The following HPSE2 variants were observed in gnomAD, a reference collection of about 807,000 sequenced individuals.
HPSE2 encodes the protein inactive heparanase-2.
A neutral mutation model predicts 60.5 loss-of-function variants in HPSE2; 38 were observed. The observed-to-expected ratio is 0.63, with a 90% CI of 0.48 to 0.82. The LOEUF (loss-of-function observed/expected upper bound fraction) is 0.82. Among genes scored for constraint, HPSE2 ranks in the 40% least tolerant of loss-of-function variants. The pLI is 0.00. For synonymous variants in HPSE2, 295 were observed against 293.2 expected (o/e 1.01, Z -0.06); for missense variants, 713 against 740.4 (o/e 0.96, Z 0.43).
At chr10:98,545,707 G>C (rs1484818124) in intron 9 of HPSE2, among the ~76,000 whole-genome samples, 3 of 151,966 alleles carry the variant, frequency 2.0e-5, no homozygotes, top group Non-Finnish European at 4.4e-5. Flanking sequence ...TACTGAATGG[G>C]CAAAAACTGG....
chr10:99,200,024 T>C (rs1848522688), intron 2 of HPSE2, among the ~76,000 whole-genome samples: 1 of 152,154 alleles, frequency 6.6e-6, no homozygotes, highest in Admixed American at 6.5e-5. Flanking sequence ...CTAAATATTT[T>C]ACCCTCTTTG....
intron 9 of HPSE2, among the ~76,000 whole-genome samples, chr10:98,492,510 C>CAAAAAAAAAAAAAA (rs10645866): frequency 2.7e-5 from 3 of 112,076 alleles, no homozygotes; most frequent in African/African-American, 1.0e-4. Context: ...TCAAAAAAGA[C>CAAAAAAAAAAAAAA]AAAAAAAAAA....
chr10:98,462,959 CTT>C (rs56061368), intron 11 of HPSE2, among the ~76,000 whole-genome samples: 65,212 of 146,542 alleles, frequency 0.45, 14,072 homozygotes, highest in East Asian at 0.47. Flanking sequence ...CTTATCTCTG[CTT>C]TTTTTTTTTT....
intron 11 of HPSE2, among the ~76,000 whole-genome samples, chr10:98,480,964 T>C (rs1436908048): frequency 1.3e-5 from 2 of 152,174 alleles, no homozygotes; most frequent in Non-Finnish European, 2.9e-5. Flanking sequence ...AAACTGACGC[T>C]CACAGAGATG....
intron 3 of HPSE2, among the ~76,000 whole-genome samples, chr10:99,125,829 C>T (rs910765838): frequency 6.6e-6 from 1 of 152,176 alleles, no homozygotes; most frequent in Admixed American, 6.5e-5. Context: ...GTCTTTAGCT[C>T]GAGCCCAAGG....
intron 3 of HPSE2, among the ~76,000 whole-genome samples, chr10:98,958,930 T>G (rs975431753): frequency 6.6e-6 from 1 of 152,146 alleles, no homozygotes; most frequent in Non-Finnish European, 1.5e-5. Flanking sequence ...CAACCACTGC[T>G]AGCTATGTGA....
rs547645204 is a variant in HPSE2 at position 99,097,486 on chromosome 10, C to T, written c.610+46752G>A. On this transcript the variant is annotated intron_variant, in intron 3 of 11. Coordinates refer to ENST00000370552, the MANE Select transcript of HPSE2 (RefSeq NM_021828.5). Reference sequence around the variant, plus strand: ...CCAATTAGTTCTAAAGCTTTCTTTTCGCAGTAAACTCTAGCATTCTCTTTT... The same window carrying T: ...CCAATTAGTTCTAAAGCTTTCTTTTTGCAGTAAACTCTAGCATTCTCTTTT... 1.1e-4 allele frequency among the ~76,000 whole-genome samples: 17 copies of T among 152,190 alleles called. No homozygotes were observed. In the South Asian group the frequency reaches 2.3e-3, roughly 20 times the overall value.
chr10:98,974,428 C>T (rs541815387), intron 3 of HPSE2, among the ~76,000 whole-genome samples: 11 of 152,048 alleles, frequency 7.2e-5, no homozygotes, highest in Middle Eastern at 3.4e-3. Flanking sequence ...CCTTAATGCC[C>T]GGCTAATTTT....
the HPSE2 span, among the ~76,000 whole-genome samples, chr10:99,284,285 T>C: frequency 1.3e-5 from 2 of 152,046 alleles, no homozygotes; most frequent in Non-Finnish European, 2.9e-5. Flanking sequence ...AAAAAACATA[T>C]AATGACCTCA....
At chr10:98,806,443 A>G (rs1302362848) in intron 3 of HPSE2, among the ~76,000 whole-genome samples, 1 of 152,192 alleles carries the variant, frequency 6.6e-6, no homozygotes, top group African/African-American at 2.4e-5. Flanking sequence ...CGTGGAATAG[A>G]GCACTGGACT....
intron 3 of HPSE2, among the ~76,000 whole-genome samples, chr10:98,820,330 T>G (rs1274194943): frequency 6.6e-6 from 1 of 152,144 alleles, no homozygotes; most frequent in African/African-American, 2.4e-5. Context: ...GACTATAATT[T>G]ACCCAGGACC....
chr10:98,866,743 G>GA (rs151324657), intron 3 of HPSE2, among the ~76,000 whole-genome samples: 5,511 of 151,832 alleles, frequency 0.036, 121 homozygotes, highest in African/African-American at 0.058. Context: ...ACAACAACAA[G>GA]AAAAAACCTG....
At chr10:98,753,774 A>G (rs1201843959) in intron 3 of HPSE2, among the ~76,000 whole-genome samples, 1 of 152,180 alleles carries the variant, frequency 6.6e-6, no homozygotes, top group Non-Finnish European at 1.5e-5. Flanking sequence ...AAATCCAGAA[A>G]AGAAACTAGT....
intron 3 of HPSE2, among the ~76,000 whole-genome samples, chr10:98,890,298 GA>G (rs1350744843): frequency 6.6e-6 from 1 of 151,678 alleles, no homozygotes; most frequent in African/African-American, 2.4e-5. Flanking sequence ...ATTGTAATCA[GA>G]AAAAAATAAC....
At chr10:98,683,651 TAAAGA>T (rs951024850) in intron 6 of HPSE2, among the ~76,000 whole-genome samples, 11 of 151,460 alleles carry the variant, frequency 7.3e-5, no homozygotes, top group African/African-American at 2.4e-4. Context: ...AGAGGAAAAG[TAAAGA>T]AGAGAAAATA....
At chr10:99,259,562 T>C in the HPSE2 span, among the ~76,000 whole-genome samples, 2 of 150,928 alleles carry the variant, frequency 1.3e-5, no homozygotes, top group African/African-American at 4.9e-5. Flanking sequence ...ATTAAGAGAG[T>C]TGCAAATTAA....
intron 5 of HPSE2, among the ~76,000 whole-genome samples, chr10:98,697,146 G>A (rs762160926): frequency 4.6e-5 from 7 of 152,162 alleles, no homozygotes; most frequent in Non-Finnish European, 7.3e-5. Context: ...CTGGACAGAG[G>A]ATGCGATGGA....
chr10:98,588,433 G>A (rs1229650977), intron 9 of HPSE2, among the ~76,000 whole-genome samples: 1 of 152,188 alleles, frequency 6.6e-6, no homozygotes, highest in South Asian at 2.1e-4. Flanking sequence ...GGCAGCTACA[G>A]TGGCACAGAA....
At chr10:98,631,733 C>CT (rs1946370465) in intron 7 of HPSE2, among the ~76,000 whole-genome samples, 1 of 152,198 alleles carries the variant, frequency 6.6e-6, no homozygotes, top group Non-Finnish European at 1.5e-5. Context: ...CAGGACCTTA[C>CT]TAAACACTGA....
Sources: gnomAD v4.1 joint callset for allele counts (sites outside exome capture counted in the v4.1 genomes callset) on GRCh38, gnomAD v4.1.1 for gene constraint, MANE v1.5 for transcripts, NCBI Gene and HGNC (gene_info 2026-07-23, HGNC 2026-07-21) for gene names.